The following FAM149A variants were observed in gnomAD, a reference collection of about 807,000 sequenced individuals.
FAM149A encodes protein FAM149A.
A neutral mutation model predicts 78.2 loss-of-function variants in FAM149A; 71 were observed. The ratio of observed to expected loss-of-function variants is 0.91; its 90% CI spans 0.75 to 1.11. The LOEUF (loss-of-function observed/expected upper bound fraction) is 1.11, where lower values mean the gene tolerates loss of function less well. FAM149A is among the 50% of genes least tolerant of loss of function. FAM149A has a pLI of 0.00. For synonymous variants in FAM149A, 446 were observed against 410.5 expected (o/e 1.09, Z -1.04); for missense variants, 1,036 against 971.0 (o/e 1.07, Z -0.89).
At chr4:186,169,525 G>C in intron 13 of FAM149A, 1 of 985,326 alleles carries the variant, frequency 1.0e-6, no homozygotes, top group South Asian at 4.7e-5. Flanking sequence ...CTTTCCTCCT[G>C]AGCACTCTGT....
intron 13 of FAM149A, chr4:186,169,081 G>T (rs1735314490): frequency 2.3e-6 from 1 of 440,512 alleles, no homozygotes; most frequent in African/African-American, 2.1e-5. Context: ...AGGTATCTGG[G>T]AAGTAGTTGG....
chr4:186,170,309 C>G (rs1445706926), intron 13 of FAM149A, among the ~76,000 whole-genome samples: 1 of 152,236 alleles, frequency 6.6e-6, no homozygotes, highest in Non-Finnish European at 1.5e-5. Flanking sequence ...TGGGTCTCAG[C>G]TTCCATACCT....
chr4:186,167,683 C>A (rs1265633778), intron 13 of FAM149A: 1 of 292,626 alleles, frequency 3.4e-6, no homozygotes, highest in Non-Finnish European at 6.7e-6. Flanking sequence ...CTTTATAACA[C>A]AAGGTTTTAC....
rs1324350283 is a variant in FAM149A, at chr4:186,144,990, G to A, written c.567-4183G>A. 381 of 979,312 alleles carry A rather than the reference G, an allele frequency of 3.9e-4. No homozygotes were observed. Among genetic ancestry groups the A allele is most frequent in the Middle Eastern group, 5.2e-4 (1 of 1,906 alleles). 60.7% of individuals were successfully genotyped at this position (979,312 alleles called of 1,614,324 possible). ...GGGGAGCCCCAGCCCCGGGGCCGCG[G>A]GGGCGCGTGACCGGCTGTCTGCGTG... On this transcript the variant is annotated intron_variant, in intron 1 of 13. Coordinates refer to ENST00000389354, the MANE Select transcript of FAM149A (RefSeq NM_001367768.3). This position sits in a 1 kb window ranked among gnomAD's most constrained non-coding sequence, Gnocchi z 4.2.
chr4:186,153,509 C>T (rs567174738), intron 4 of FAM149A, 136 bp from the exon 5 acceptor site: 31 of 1,478,438 alleles, frequency 2.1e-5, no homozygotes, highest in African/African-American at 4.2e-5. Flanking sequence ...TTCTGTGATG[C>T]GTGATGCTTC....
At position 186,150,521 on chromosome 4, in the gene FAM149A, G is replaced by C. The variant is rs28374091; in HGVS notation, c.789+817G>C. 9.2e-3 allele frequency among the ~76,000 whole-genome samples: 1,187 copies of C among 129,172 alleles called. 29 individuals are homozygous for C. The highest frequency in any genetic ancestry group is 0.032 in the African/African-American group (1,114 of 34,608). The allele number at this position is 129,172 out of a possible 152,430, so 84.7% of individuals were successfully genotyped here. A position where few individuals can be genotyped will look rare whatever the true frequency, so the allele number is the denominator to read the frequency against. Reference sequence around the variant, plus strand: ...TGCAAGCTCCGCCTCCCGGGTTCACGCCATTCTCCTGCCTCAGCCTCCCGA... The same window carrying C: ...TGCAAGCTCCGCCTCCCGGGTTCACCCCATTCTCCTGCCTCAGCCTCCCGA... On this transcript the variant is annotated intron_variant, in intron 3 of 13. Transcript: ENST00000389354.
At chr4:186,160,840 T>A in intron 8 of FAM149A, 2 of 984,858 alleles carry the variant, frequency 2.0e-6, no homozygotes, top group Non-Finnish European at 2.4e-6. Context: ...GATAGCAGAG[T>A]GAAACTTGCG....
intron 1 of FAM149A, chr4:186,124,376 T>A (rs2099317363): frequency 3.2e-6 from 1 of 310,244 alleles, no homozygotes; most frequent in Non-Finnish European, 4.7e-6. Context: ...ACTCGTCATT[T>A]ACATTAGGTA....
At position 186,162,876 on chromosome 4, in the gene FAM149A, A is replaced by T; in HGVS notation, c.1607A>T (p.Asp536Val). The T allele has an allele frequency of 6.3e-7, 1 of 1,576,760 alleles. No homozygotes were observed. The highest frequency in any genetic ancestry group is 8.6e-7 in the Non-Finnish European group (1 of 1,158,184). The change falls in exon 9 of 14, where the codon GAC becomes GTC. Residue 536 changes from aspartate (D) to valine (V), a missense_variant. Asp to Val is a radical substitution (Grantham distance 152). Around this residue, in one of 3 missense-constraint regions of FAM149A, gnomAD observed 716 missense variants for 711.8 expected, o/e 1.01. Transcript: ENST00000389354. ...CACTTCTCCAGCAGTTTTTATAGTG[A>T]CATGAATGGTGTCATGACAATTCAA... is the stretch of plus-strand genomic sequence containing the variant.
At chr4:186,136,345 T>C (rs936316988) in intron 1 of FAM149A, among the ~76,000 whole-genome samples, 8 of 152,174 alleles carry the variant, frequency 5.3e-5, no homozygotes, top group Non-Finnish European at 7.4e-5. Context: ...AGTAAAAAAA[T>C]TGGATATTAA....
intron 1 of FAM149A, chr4:186,146,835 T>G: frequency 7.1e-6 from 7 of 985,492 alleles, no homozygotes; most frequent in Non-Finnish European, 8.4e-6. Flanking sequence ...GGCATAAACA[T>G]TCAGAGTAAT....
At chr4:186,121,608 A>T (rs144397908) in intron 1 of FAM149A, among the ~76,000 whole-genome samples, 2 of 152,210 alleles carry the variant, frequency 1.3e-5, no homozygotes, top group Non-Finnish European at 1.5e-5. Context: ...CCTATGGAAG[A>T]TGTACGGAGA....
At position 186,163,656 on chromosome 4, in the gene FAM149A, T is replaced by C. The variant is rs374447848; in HGVS notation, c.1889+23T>C. On this transcript the variant is annotated intron_variant, in intron 10 of 13. Transcript: ENST00000389354. ...ACTGTGAGTCTCATTTCTTTCATAG[T>C]AAACTAAAGGCCACGGAGGACCTAG... 8 of 1,583,962 alleles carry C rather than the reference T, an allele frequency of 5.1e-6. No homozygotes were observed. The African/African-American group carries it at 1.1e-4, about 21-fold the overall frequency.
At chr4:186,123,116 G>T in intron 1 of FAM149A, 1 of 525,814 alleles carries the variant, frequency 1.9e-6, no homozygotes, top group African/African-American at 2.1e-5. Flanking sequence ...CCATGCCTCT[G>T]CATTCAAACA....
At position 186,156,202 on chromosome 4, in the gene FAM149A, C is replaced by G. The variant is rs1172618249; in HGVS notation, c.1420+12C>G. ...AACTACACTCACAGGTACTTACATG[C>G]AGAATTTAGCTTAATGAAAAGAAAA... is the stretch of plus-strand genomic sequence containing the variant. On this transcript the variant is annotated intron_variant, in intron 7 of 13. Transcript: ENST00000389354. 6.3e-7 allele frequency: 1 copy of G among 1,598,520 alleles called. No individual in the cohort carries two copies. The highest frequency in any genetic ancestry group is 1.3e-5 in the African/African-American group (1 of 74,160).
chr4:186,143,858 C>G (rs771547668), intron 1 of FAM149A, among the ~76,000 whole-genome samples: 6 of 152,174 alleles, frequency 3.9e-5, no homozygotes, highest in Non-Finnish European at 7.3e-5. Context: ...GTAGTGATTT[C>G]TTGTCACCGT....
Position 186,140,430 on chromosome 4 carries a change from A to G in FAM149A, c.567-8743A>G, listed in dbSNP as rs557622907. On this transcript the variant is annotated intron_variant, in intron 1 of 13. Coordinates refer to ENST00000389354, the MANE Select transcript of FAM149A (RefSeq NM_001367768.3). ...TTAGCTGTGACTACAGATCCATGTG[A>G]ACACACCTAGCTTTTTTTTTTTTTT... 2.1e-4 allele frequency among the ~76,000 whole-genome samples: 30 copies of G among 145,548 alleles called. 1 individual carries two copies. In the South Asian group the frequency reaches 6.1e-3, roughly 30 times the overall value.
chr4:186,138,846 C>T (rs1233856581), intron 1 of FAM149A, among the ~76,000 whole-genome samples: 1 of 152,090 alleles, frequency 6.6e-6, no homozygotes, highest in Non-Finnish European at 1.5e-5. Context: ...GCTTGTCAGG[C>T]TGCTCCCCTG....
chr4:186,131,602 T>C (rs2099320765), intron 1 of FAM149A, among the ~76,000 whole-genome samples: 1 of 152,198 alleles, frequency 6.6e-6, no homozygotes, highest in African/African-American at 2.4e-5. Context: ...CAATGGTCTT[T>C]TCAATAAATA....
Sources: allele counts gnomAD v4.1 joint callset (sites outside exome capture counted in the v4.1 genomes callset), GRCh38; gene constraint gnomAD v4.1.1; regional missense constraint gnomAD v4.1.1; non-coding constraint Gnocchi (gnomAD v3.1); transcripts MANE v1.5; gene names NCBI Gene and HGNC (gene_info 2026-07-23, HGNC 2026-07-21).